COL9A1: variants seen among roughly 807,000 people sequenced by gnomAD.
COL9A1 encodes collagen type IX alpha 1 chain.
A neutral mutation model predicts 142.6 loss-of-function variants in COL9A1; 104 were observed. The observed-to-expected ratio is 0.73, with a 90% confidence interval of 0.62 to 0.86. COL9A1 has a LOEUF of 0.86. Among genes scored for constraint, COL9A1 ranks in the 40% least tolerant of loss-of-function variants. The pLI is 0.00. For synonymous variants in COL9A1, 466 were observed against 396.0 expected (o/e 1.18, Z -2.10); for missense variants, 1,210 against 1,176.6 (o/e 1.03, Z -0.42).
At chr6:70,281,863 C>A (rs1773187300) in intron 7 of COL9A1, among the ~76,000 whole-genome samples, 2 of 152,066 alleles carry the variant, frequency 1.3e-5, no homozygotes. Context: ...AGTGTTTTGG[C>A]CAGAATGGAA....
At chr6:70,274,571 C>T (rs1161365348) in intron 11 of COL9A1, 148 bp downstream of exon 11, 1 of 716,064 alleles carries the variant, frequency 1.4e-6, no homozygotes. Flanking sequence ...CATAGTATTC[C>T]ACATCATGGT....
chr6:70,283,215 CCT>C (rs1773287852), intron 6 of COL9A1: 3 of 1,462,912 alleles, frequency 2.1e-6, no homozygotes, highest in Middle Eastern at 2.5e-4. Flanking sequence ...GCGCGTTCCC[CCT>C]GTTTATGAAT....
chr6:70,231,134 G>A (rs905466174), intron 36 of COL9A1, among the ~76,000 whole-genome samples: 4 of 152,122 alleles, frequency 2.6e-5, no homozygotes, highest in Non-Finnish European at 5.9e-5. Context: ...GTGGACCAGC[G>A]AATTTGCATT....
intron 5 of COL9A1, among the ~76,000 whole-genome samples, chr6:70,291,454 T>A (rs1203009306): frequency 6.6e-6 from 1 of 152,174 alleles, no homozygotes; most frequent in Admixed American, 6.6e-5. Context: ...TATGTGCTTC[T>A]TAGCATGCAG....
At chr6:70,251,694 T>C (rs1340474394) in intron 28 of COL9A1, among the ~76,000 whole-genome samples, 3 of 152,220 alleles carry the variant, frequency 2.0e-5, no homozygotes, top group South Asian at 2.1e-4. Flanking sequence ...GAGGAAATGA[T>C]GGATGACTGC....
At chr6:70,252,371 A>G in intron 26 of COL9A1, 56 bp from the exon 27 acceptor site, 14 of 1,488,294 alleles carry the variant, frequency 9.4e-6, no homozygotes, top group Non-Finnish European at 1.2e-5. Flanking sequence ...CATAATCATC[A>G]ATCTGCCTTA....
chr6:70,255,678 T>C (rs879133038), intron 21 of COL9A1, among the ~76,000 whole-genome samples: 1 of 152,236 alleles, frequency 6.6e-6, no homozygotes, highest in South Asian at 2.1e-4. Flanking sequence ...GCAGTGGATT[T>C]CGACATCAGT....
chr6:70,294,139 C>A (rs1333289335), intron 5 of COL9A1, 28 bp downstream of exon 5: 2 of 1,613,488 alleles, frequency 1.2e-6, no homozygotes, highest in Admixed American at 3.3e-5. Context: ...TTGCTTTAAT[C>A]TGCCATAGTG....
At chr6:70,300,211 T>C (rs767556477) in intron 3 of COL9A1, 36 bp from the exon 4 acceptor site, 1 of 1,612,746 alleles carries the variant, frequency 6.2e-7, no homozygotes, top group Non-Finnish European at 8.5e-7. Context: ...AAGTCTAAAA[T>C]GAGATTGGTT....
intron 28 of COL9A1, chr6:70,245,767 C>A (rs1270845488): frequency 3.9e-5 from 6 of 152,168 alleles, no homozygotes; most frequent in Non-Finnish European, 7.3e-5. Flanking sequence ...CCAGCCCGAC[C>A]AACATGGTGA....
Position 70,252,312 on chromosome 6 carries a change from T to C in COL9A1, c.1768A>G (p.Ser590Gly). The C allele has an allele frequency of 6.2e-7, 1 of 1,614,064 alleles. No homozygotes were observed. ...CCAGGCTTCCCTGGAGCACCTGTGC[T>C]ACCCTAAGGGTAAAATGCAACATCC... ...GAKGVAGEKG[S>G]TGAPGKPGQM... The change falls in exon 27 of 38, where the codon AGC becomes GGC. Residue 590 changes from serine to glycine, a missense_variant. Transcript: ENST00000357250.
rs2274584 is a variant in COL9A1, at chr6:70,252,336, C to A, written c.1765-21G>T. 143 of 1,611,078 alleles carry A rather than the reference C, an allele frequency of 8.9e-5. No individual in the cohort carries two copies. The African/African-American group carries it at 1.5e-3, about 17-fold the overall frequency. On this transcript the variant is annotated intron_variant, in intron 26 of 37. Transcript: ENST00000357250. The stretch of plus-strand genomic sequence containing the variant: ...CTACCCTAAGGGTAAAATGCAACAT[C>A]CAAAATAACTCATGCTGAAGTAAGC...
chr6:70,215,323 A>C (rs1202026957), downstream of COL9A1: 1 of 152,226 alleles, frequency 6.6e-6, no homozygotes, highest in African/African-American at 2.4e-5. Context: ...CAGATTACAT[A>C]ATGATTGATT....
intron 19 of COL9A1, among the ~76,000 whole-genome samples, chr6:70,261,714 A>G (rs1392346913): frequency 6.6e-6 from 1 of 152,232 alleles, no homozygotes; most frequent in East Asian, 1.9e-4. Context: ...ATGTGGCCAT[A>G]TCAGATGAAA....
intron 32 of COL9A1, among the ~76,000 whole-genome samples, chr6:70,239,995 T>A (rs942890481): frequency 6.6e-6 from 1 of 152,186 alleles, no homozygotes; most frequent in Non-Finnish European, 1.5e-5. Flanking sequence ...ATTTCTAGGA[T>A]TTTTTTCCTG....
intron 10 of COL9A1, among the ~76,000 whole-genome samples, chr6:70,275,783 T>C (rs754875091): frequency 2.6e-5 from 4 of 152,138 alleles, no homozygotes; most frequent in Non-Finnish European, 4.4e-5. Context: ...TACATGCCTA[T>C]ATAAGTATCT....
intron 36 of COL9A1, among the ~76,000 whole-genome samples, chr6:70,229,363 G>C (rs1237071132): frequency 6.6e-6 from 1 of 152,128 alleles, no homozygotes. Flanking sequence ...TATGCATAAA[G>C]AGCTTGTAAA....
chr6:70,265,724 A>T (rs755107836), intron 18 of COL9A1, among the ~76,000 whole-genome samples: 6 of 152,142 alleles, frequency 3.9e-5, no homozygotes, highest in Non-Finnish European at 8.8e-5. Context: ...TGCCTTAACT[A>T]TCACAGCCTA....
intron 14 of COL9A1, among the ~76,000 whole-genome samples, chr6:70,271,143 G>A (rs938544118): frequency 2.6e-5 from 4 of 152,064 alleles, no homozygotes; most frequent in East Asian, 1.9e-4. Flanking sequence ...TTACAATTAC[G>A]CGCCTTCACA....
Sources: allele counts gnomAD v4.1 joint callset (sites outside exome capture counted in the v4.1 genomes callset), GRCh38; gene constraint gnomAD v4.1.1; transcripts MANE v1.5; gene names NCBI Gene and HGNC (gene_info 2026-07-23, HGNC 2026-07-21).